Variants in KCNN2 observed in about 807,000 individuals in gnomAD.
The protein encoded by KCNN2 is small conductance calcium-activated potassium channel protein 2.
KCNN2 carries 24 observed loss-of-function variants against 55.5 expected under a neutral mutation model. The ratio of observed to expected loss-of-function variants is 0.43; its 90% CI spans 0.31 to 0.61. The LOEUF (loss-of-function observed/expected upper bound fraction) is 0.61. KCNN2 is among the 20% of genes least tolerant of loss of function. KCNN2 has a pLI of 0.08. For synonymous variants in KCNN2, 431 were observed against 336.1 expected, an observed-to-expected ratio of 1.28 and a Z score of -3.09; for missense variants, 754 against 853.6, an observed-to-expected ratio of 0.88 and a Z score of 1.45.
intron 2 of KCNN2, among the ~76,000 whole-genome samples, chr5:114,354,888 G>C (rs1270113436): frequency 6.6e-6 from 1 of 152,032 alleles, no homozygotes; most frequent in Non-Finnish European, 1.5e-5. Context: ...AATTAAAACA[G>C]AACAAAAGTG....
intron 2 of KCNN2, among the ~76,000 whole-genome samples, chr5:114,403,275 C>T (rs907674016): frequency 6.6e-6 from 1 of 152,122 alleles, no homozygotes; most frequent in African/African-American, 2.4e-5. Flanking sequence ...CCGGGTCATT[C>T]AGGGTCAAGT....
At chr5:114,317,182 A>C (rs1756517224) in intron 2 of KCNN2, among the ~76,000 whole-genome samples, 2 of 152,180 alleles carry the variant, frequency 1.3e-5, no homozygotes, top group Admixed American at 1.3e-4. Context: ...AAATAAAAAG[A>C]AAATAGAGCC....
chr5:114,166,651 A>G (rs1356969017), intron 1 of KCNN2, among the ~76,000 whole-genome samples: 1 of 152,150 alleles, frequency 6.6e-6, no homozygotes, highest in Non-Finnish European at 1.5e-5. Flanking sequence ...CCCATGTACC[A>G]TGCTATAACA....
At chr5:114,380,682 C>A (rs1022974432) in intron 2 of KCNN2, among the ~76,000 whole-genome samples, 1 of 152,184 alleles carries the variant, frequency 6.6e-6, no homozygotes, top group Non-Finnish European at 1.5e-5. Flanking sequence ...ATCATGACCT[C>A]TGTGATCCTT....
chr5:114,462,934 C>G (rs1761274452), intron 3 of KCNN2, 115 bp from the exon 4 acceptor site: 3 of 988,092 alleles, frequency 3.0e-6, no homozygotes, highest in Admixed American at 2.4e-5. Context: ...TTGAAAACTT[C>G]TAAATATAGC....
At chr5:114,182,132 ATTAC>A (rs1343810994) in intron 1 of KCNN2, among the ~76,000 whole-genome samples, 8 of 152,224 alleles carry the variant, frequency 5.3e-5, no homozygotes, top group African/African-American at 1.9e-4. Flanking sequence ...CCTGCATTAA[ATTAC>A]TTTGGATTCA....
chr5:114,487,219 G>A (rs1436232246), intron 6 of KCNN2, 42 bp downstream of exon 6: 24 of 1,582,018 alleles, frequency 1.5e-5, no homozygotes, highest in Non-Finnish European at 2.0e-5. Context: ...TTGTGTCCTT[G>A]GCTTTCAATT....
At chr5:114,337,854 A>G (rs1192496619) in intron 2 of KCNN2, among the ~76,000 whole-genome samples, 1 of 152,220 alleles carries the variant, frequency 6.6e-6, no homozygotes, top group East Asian at 1.9e-4. Context: ...ACATATTAAA[A>G]GTTTTTAACG....
chr5:114,288,436 C>T (rs1340525159), intron 2 of KCNN2, among the ~76,000 whole-genome samples: 2 of 150,952 alleles, frequency 1.3e-5, no homozygotes, highest in Admixed American at 6.6e-5. Flanking sequence ...TTTTACATTC[C>T]CATCAGTAAC....
At chr5:114,117,637 A>G (rs1409546923) in intron 1 of KCNN2, among the ~76,000 whole-genome samples, 1 of 152,166 alleles carries the variant, frequency 6.6e-6, no homozygotes, top group Non-Finnish European at 1.5e-5. Flanking sequence ...GGGAAATAAG[A>G]TTTGACCTAT....
intron 2 of KCNN2, among the ~76,000 whole-genome samples, chr5:114,355,105 T>A (rs992489898): frequency 1.3e-5 from 2 of 152,198 alleles, no homozygotes; most frequent in African/African-American, 2.4e-5. Context: ...AGGCACCAAC[T>A]CTCTCCTGGC....
chr5:114,189,385 TTAG>T (rs1249934569), intron 1 of KCNN2, among the ~76,000 whole-genome samples: 1 of 152,150 alleles, frequency 6.6e-6, no homozygotes, highest in African/African-American at 2.4e-5. Context: ...GAGTTCCCTC[TTAG>T]TAAGCCTGTT....
chr5:114,338,960 A>G (rs1364437717), intron 2 of KCNN2, among the ~76,000 whole-genome samples: 2 of 152,220 alleles, frequency 1.3e-5, no homozygotes, highest in Non-Finnish European at 2.9e-5. Flanking sequence ...AATTTCAGGA[A>G]TCAAGGAGGG....
intron 3 of KCNN2, among the ~76,000 whole-genome samples, chr5:114,413,624 G>A (rs1759204494): frequency 6.6e-6 from 1 of 152,126 alleles, no homozygotes; most frequent in African/African-American, 2.4e-5. Flanking sequence ...TCTACCTCCT[G>A]AGAGAATAAT....
intron 2 of KCNN2, among the ~76,000 whole-genome samples, chr5:114,337,806 G>A (rs1214233529): frequency 2.6e-5 from 4 of 151,926 alleles, no homozygotes; most frequent in Admixed American, 1.3e-4. Flanking sequence ...TCGTAACTTC[G>A]GTCCAACTAG....
At chr5:114,141,894 T>G (rs1385385831) in intron 1 of KCNN2, among the ~76,000 whole-genome samples, 1 of 152,192 alleles carries the variant, frequency 6.6e-6, no homozygotes, top group Non-Finnish European at 1.5e-5. Context: ...ATGATGAGCG[T>G]TTTTTCATGT....
intron 3 of KCNN2, among the ~76,000 whole-genome samples, chr5:114,407,075 T>C (rs531382317): frequency 4.8e-4 from 73 of 152,274 alleles, no homozygotes; most frequent in African/African-American, 1.7e-3. Context: ...ATTGGTATTC[T>C]AAAATTACAC....
At chr5:114,285,305 A>AAG (rs1561555115) in intron 2 of KCNN2, among the ~76,000 whole-genome samples, 4 of 150,386 alleles carry the variant, frequency 2.7e-5, no homozygotes, top group East Asian at 2.0e-4. Context: ...AAAAAAAAAA[A>AAG]AGAGAGACAG....
At chr5:114,119,612 A>G (rs1026273278) in intron 1 of KCNN2, among the ~76,000 whole-genome samples, 1 of 151,980 alleles carries the variant, frequency 6.6e-6, no homozygotes, top group African/African-American at 2.4e-5. Flanking sequence ...AATTCCTCCC[A>G]TTGGAAGCAT....
Sources: allele counts gnomAD v4.1 joint callset (sites outside exome capture counted in the v4.1 genomes callset), GRCh38; gene constraint gnomAD v4.1.1; transcripts MANE v1.5; gene names NCBI Gene and HGNC (gene_info 2026-07-23, HGNC 2026-07-21).